PEX6: variants seen among roughly 807,000 people sequenced by gnomAD.
PEX6 encodes peroxisome biogenesis factor 6.
In PEX6, 55 loss-of-function variants were observed where a neutral mutation model predicts 85.6. The observed-to-expected ratio is 0.64, with a 90% CI of 0.52 to 0.80. PEX6 has a LOEUF of 0.80. Among genes scored for constraint, PEX6 ranks in the 30% least tolerant of loss-of-function variants. PEX6 has a pLI of 0.00. For synonymous variants in PEX6, 519 were observed against 549.1 expected (o/e 0.95, Z 0.77); for missense variants, 1,099 against 1,260.3 (o/e 0.87, Z 1.94).
In PEX6 at chr6:42,965,240, C is replaced by G. The variant is rs777175136; in HGVS notation, c.2588+12G>C. Reference sequence around the variant, plus strand: ...AAAATGAGGGTGGAGATGAGCAGTACAAGGGGCCCACCTGCCAGGCCGCAG... The same window carrying G: ...AAAATGAGGGTGGAGATGAGCAGTAGAAGGGGCCCACCTGCCAGGCCGCAG... On this transcript the variant is annotated intron_variant, in intron 14 of 16. Coordinates refer to ENST00000304611, the MANE Select transcript of PEX6 (RefSeq NM_000287.4). This position sits in a 1 kb window ranked among gnomAD's most constrained non-coding sequence, Gnocchi z 5.0. 2 of 1,612,060 alleles carry G rather than the reference C, an allele frequency of 1.2e-6. No homozygotes were observed. Among genetic ancestry groups the G allele is most frequent in the Non-Finnish European group, 1.7e-6 (2 of 1,178,076 alleles).
At position 42,967,349 on chromosome 6, in the gene PEX6, A is replaced by T. The variant is rs1769867337; in HGVS notation, c.1884+19T>A. On this transcript the variant is annotated intron_variant, in intron 8 of 16. Coordinates refer to ENST00000304611, the MANE Select transcript of PEX6 (RefSeq NM_000287.4). ...CAGGGACCTCCTAGGGAGGGCCAGTACTCTCCCTTGATACTCACTGCACAC... is the reference window on the plus strand; with the variant it reads ...CAGGGACCTCCTAGGGAGGGCCAGTTCTCTCCCTTGATACTCACTGCACAC... The T allele has an allele frequency of 6.2e-7, 1 of 1,605,598 alleles. No individual in the cohort carries two copies. Among genetic ancestry groups the T allele is most frequent in the African/African-American group, 1.3e-5 (1 of 74,692 alleles).
At chr6:42,973,793 GGTAGAGGCTGCAGTGAGCT>G (rs1770153331) in intron 3 of PEX6, among the ~76,000 whole-genome samples, 191 bp downstream of exon 3, 1 of 152,190 alleles carries the variant, frequency 6.6e-6, no homozygotes, top group Non-Finnish European at 1.5e-5. Flanking sequence ...GAGCCATGGA[GGTAGAGGCTGCAGTGAGCT>G]GTGTTTGCAC....
At chr6:42,966,900 G>A (rs1675068459) in intron 8 of PEX6, 42 bp from the exon 9 acceptor site, 1 of 1,518,400 alleles carries the variant, frequency 6.6e-7, no homozygotes, top group African/African-American at 1.4e-5. Context: ...GGGCACAGTA[G>A]GCAGGAACCT....
intron 1 of PEX6, among the ~76,000 whole-genome samples, chr6:42,976,714 T>C (rs1770314762): frequency 6.6e-6 from 1 of 152,124 alleles, no homozygotes; most frequent in African/African-American, 2.4e-5. Flanking sequence ...CTTATGTCTG[T>C]TATGGCGAAC....
chr6:42,969,033 T>TA, intron 5 of PEX6, 48 bp from the exon 6 acceptor site: 1 of 1,253,508 alleles, frequency 8.0e-7, no homozygotes. Flanking sequence ...GCCCAAACAT[T>TA]AGAGTCCCCA....
In PEX6 at chr6:42,963,998, A is replaced by C. The variant is rs1769607984; in HGVS notation, c.*337T>G. On this transcript the variant is annotated 3_prime_UTR_variant, in exon 17 of 17. Transcript: ENST00000304611. Reference sequence around the variant, plus strand: ...CTTTCTCACTCCAACCTTTCATGCCACAACACCAGTAGGGGGCGGGACATG... The same window carrying C: ...CTTTCTCACTCCAACCTTTCATGCCCCAACACCAGTAGGGGGCGGGACATG... 1.9e-6 allele frequency: 1 copy of C among 513,942 alleles called. No homozygotes were observed. The highest frequency in any genetic ancestry group is 3.5e-5 in the East Asian group (1 of 28,740). 31.8% of individuals were successfully genotyped at this position (513,942 alleles called of 1,614,324 possible).
In PEX6 at chr6:42,964,657, G is replaced by T; in HGVS notation, c.2806+133C>A. Reference sequence around the variant, plus strand: ...TTTTTTAGAGTTGGGGTCTCTCTGTGTTGCCCAGGCTGGCCTCAAACTCCT... The same window carrying T: ...TTTTTTAGAGTTGGGGTCTCTCTGTTTTGCCCAGGCTGGCCTCAAACTCCT... On this transcript the variant is annotated intron_variant, in intron 16 of 16. Transcript: ENST00000304611. This position sits in a 1 kb window ranked among gnomAD's most constrained non-coding sequence, Gnocchi z 4.6. The T allele has an allele frequency of 7.5e-7, 1 of 1,341,050 alleles. No individual in the cohort carries two copies. Among genetic ancestry groups the T allele is most frequent in the Non-Finnish European group, 1.1e-6 (1 of 938,932 alleles). 83.1% of individuals were successfully genotyped at this position (1,341,050 alleles called of 1,614,324 possible).
At chr6:42,970,025 T>C (rs1770008498) in intron 3 of PEX6, 38 bp from the exon 4 acceptor site, 1 of 1,533,276 alleles carries the variant, frequency 6.5e-7, no homozygotes, top group African/African-American at 1.4e-5. Context: ...AGATCCAGAG[T>C]CCAAAAACCC....
Position 42,967,431 on chromosome 6 carries a change from G to T in PEX6, c.1821C>A (p.Ala607=), listed in dbSNP as rs201730259. The T allele has an allele frequency of 3.1e-6, 5 of 1,613,204 alleles. No homozygotes were observed. Among genetic ancestry groups the T allele is most frequent in the Non-Finnish European group, 4.2e-6 (5 of 1,179,850 alleles). The part of the protein sequence containing the change: ...SEGQRLSILR[A]LTAHLPLGQE... ...GGCCCAGGGGAAGGTGGGCAGTGAG[G>T]GCCCGCAGGATGCTGAGCCGCTGCC... The change falls in exon 8 of 17, where the codon GCC becomes GCA. Residue 607 remains alanine, a synonymous_variant. Transcript: ENST00000304611.
At chr6:42,977,795 G>A (rs368222925) in intron 1 of PEX6, among the ~76,000 whole-genome samples, 6 of 122,678 alleles carry the variant, frequency 4.9e-5, no homozygotes, top group East Asian at 2.3e-4. Context: ...AAAAAAAAAG[G>A]AAAGAAAGAA....
In PEX6 at chr6:42,968,476, G is replaced by A. The variant is rs775660738; in HGVS notation, c.1502C>T (p.Ala501Val). 2 of 1,586,856 alleles carry A rather than the reference G, an allele frequency of 1.3e-6. No homozygotes were observed. The highest frequency in any genetic ancestry group is 2.3e-5 in the South Asian group (2 of 88,172). The change falls in exon 7 of 17, where the codon GCA becomes GTA. Residue 501 changes from alanine (A) to valine (V), a missense_variant. Physicochemically the swap from Ala to Val is moderately conservative, Grantham distance 64. Coordinates refer to ENST00000304611, the MANE Select transcript of PEX6 (RefSeq NM_000287.4). Reference sequence around the variant, plus strand: ...TGTCTCCACAGCCCCACTACTTTCTGCACAGAGGCTGGAGCAGGGCACCTG... The same window carrying A: ...TGTCTCCACAGCCCCACTACTTTCTACACAGAGGCTGGAGCAGGGCACCTG... ...LLKVPCSSLC[A>V]ESSGAVETKL...
Position 42,979,054 on chromosome 6 carries a change from C to G in PEX6, c.97G>C (p.Glu33Gln). ...CTCAGGGCCAGCACCAGGCCCAGCT[C>G]CGCCGCCGGCCACGGGCCCCCGGGT... ...LPPGGPWPAA[E>Q]LGLVLALRPA... Residue 33 changes from glutamate to glutamine, a missense_variant, in exon 1 of 17, where the codon GAG becomes CAG. By Grantham distance (29) the Glu-to-Gln change is conservative. Around this residue, in one of 3 missense-constraint regions of PEX6, gnomAD observed 579 missense variants for 611.6 expected, o/e 0.95. Coordinates refer to ENST00000304611, the MANE Select transcript of PEX6 (RefSeq NM_000287.4). The G allele has an allele frequency of 6.5e-7, 1 of 1,535,416 alleles. No homozygotes were observed. Among genetic ancestry groups the G allele is most frequent in the Non-Finnish European group, 8.7e-7 (1 of 1,147,628 alleles).
rs1770402621 is a variant in PEX6, at chr6:42,978,430, T to C, written c.721A>G (p.Arg241Gly). The C allele has an allele frequency of 1.2e-6, 2 of 1,613,938 alleles. No homozygotes were observed. The highest frequency in any genetic ancestry group is 1.3e-5 in the African/African-American group (1 of 74,864). Reference protein sequence around the residue: ...SSNTSQPHLARVQVLEPRWDL... With the variant: ...SSNTSQPHLAGVQVLEPRWDL... ...CAGCGAGGTTCTAGGACCTGCACCC[T>C]AGCCAAGTGCGGCTGTGAAGTGTTC... is the stretch of plus-strand genomic sequence containing the variant. The change falls in exon 1 of 17, where the codon AGG becomes GGG. Residue 241 changes from arginine to glycine, a missense_variant. By Grantham distance (125) the Arg-to-Gly change is moderately radical. Transcript: ENST00000304611.
chr6:42,974,197 C>T, intron 2 of PEX6, 111 bp from the exon 3 acceptor site: 1 of 789,996 alleles, frequency 1.3e-6, no homozygotes, highest in Non-Finnish European at 2.2e-6. Flanking sequence ...TACTGCCCGC[C>T]CAGAGATCCC....
chr6:42,968,381 G>T lies in PEX6; in HGVS notation c.1597C>A (p.Leu533Ile). The T allele has an allele frequency of 1.2e-6, 2 of 1,614,152 alleles. No homozygotes were observed. Among genetic ancestry groups the T allele is most frequent in the Middle Eastern group, 1.6e-4 (1 of 6,062 alleles). The change falls in exon 7 of 17, where the codon CTT (leucine) becomes ATT (isoleucine). Residue 533 changes from leucine (L) to isoleucine (I), a missense_variant. This residue lies in a region of PEX6 where 514 missense variants were observed against 627.0 expected (regional missense o/e 0.82). Transcript: ENST00000304611. ...PAVLLLTAVD[L>I]LGRDRDGLGE... Reference sequence around the variant, plus strand: ...AGCCCATCACGGTCCCGGCCCAGAAGGTCCACAGCTGTGAGCAACAGGACT... The same window carrying T: ...AGCCCATCACGGTCCCGGCCCAGAATGTCCACAGCTGTGAGCAACAGGACT...
Position 42,974,977 on chromosome 6 carries a change from G to A in PEX6, c.944C>T (p.Pro315Leu), listed in dbSNP as rs2150236093. The change falls in exon 2 of 17, where the codon CCT (proline) becomes CTT (leucine). Residue 315 changes from proline (P) to leucine (L), a missense_variant. Pro to Leu is a moderately conservative substitution (Grantham distance 98). Coordinates refer to ENST00000304611, the MANE Select transcript of PEX6 (RefSeq NM_000287.4). ...DKGSCSLLPG[P>L]PFARELHIEI... ...GATGTGTAACTCTCTGGCAAATGGA[G>A]GCCCAGGCAGCAATGAGCAGCTTCC... 6.2e-7 allele frequency: 1 copy of A among 1,613,802 alleles called. No homozygotes were observed. Among genetic ancestry groups the A allele is most frequent in the Non-Finnish European group, 8.5e-7 (1 of 1,179,830 alleles).
rs199567375 is a variant in PEX6, at chr6:42,965,049, C to T, written c.2666+26G>A. On this transcript the variant is annotated intron_variant, in intron 15 of 16. Coordinates refer to ENST00000304611, the MANE Select transcript of PEX6 (RefSeq NM_000287.4). The surrounding 1 kb of genome is among the most constrained non-coding windows in gnomAD (Gnocchi z 5.0). Reference sequence around the variant, plus strand: ...TAAGCATCCCAAGGCCCAAGCCCTTCGCAGTCTTCCTCTAACAGAGCATAC... The same window carrying T: ...TAAGCATCCCAAGGCCCAAGCCCTTTGCAGTCTTCCTCTAACAGAGCATAC... 104 of 1,613,298 alleles carry T rather than the reference C, an allele frequency of 6.4e-5. 1 individual carries two copies. In the African/African-American group the frequency reaches 7.7e-4, roughly 12 times the overall value.
rs374426032 is a variant in PEX6 at position 42,964,372 on chromosome 6, C to T, written c.2906G>A (p.Arg969Gln). ...AAACTTGCGCTGGATGCGCTTGTAC[C>T]GGAGCAGCTCCTGCTCACTGACTGA... ...QPSVSEQELL[R>Q]YKRIQRKFAA... Residue 969 changes from arginine to glutamine, a missense_variant, in exon 17 of 17, where the codon CGG (arginine) becomes CAG (glutamine). This residue lies in a region of PEX6 where 514 missense variants were observed against 627.0 expected (regional missense o/e 0.82). Transcript: ENST00000304611. The surrounding 1 kb of genome is among the most constrained non-coding windows in gnomAD (Gnocchi z 4.6). 71 of 1,613,714 alleles carry T rather than the reference C, an allele frequency of 4.4e-5. No individual in the cohort carries two copies. In the East Asian group the frequency reaches 4.7e-4, roughly 11 times the overall value.
intron 6 of PEX6, 126 bp downstream of exon 6, chr6:42,968,748 C>T (rs1769942160): frequency 3.6e-6 from 3 of 830,604 alleles, no homozygotes; most frequent in African/African-American, 1.7e-5. Flanking sequence ...ATATGCCTGA[C>T]CCACTGGGCT....
Sources: allele counts gnomAD v4.1 joint callset (sites outside exome capture counted in the v4.1 genomes callset), GRCh38; gene constraint gnomAD v4.1.1; regional missense constraint gnomAD v4.1.1; non-coding constraint Gnocchi (gnomAD v3.1); transcripts MANE v1.5; gene names NCBI Gene and HGNC (gene_info 2026-07-23, HGNC 2026-07-21).